The following OXNAD1 variants were observed in gnomAD, a reference collection of about 807,000 sequenced individuals.
OXNAD1 encodes the protein oxidoreductase NAD-binding domain-containing protein 1.
A neutral mutation model predicts 32.9 loss-of-function variants in OXNAD1; 34 were observed. That is an observed-to-expected ratio of 1.03 (90% CI 0.79 to 1.38). The LOEUF is 1.38. Among genes scored for constraint, OXNAD1 ranks in the 40% most tolerant of loss-of-function variants. The pLI is 0.00. For synonymous variants in OXNAD1, 134 were observed against 135.2 expected (o/e 0.99, Z 0.06); for missense variants, 407 against 379.4 (o/e 1.07, Z -0.60).
rs1159748230 is a variant in OXNAD1 at position 16,316,303 on chromosome 3, G to A, written c.*30+12711G>A. 1 of 162,090 alleles carries A rather than the reference G, an allele frequency of 6.2e-6. No individual in the cohort carries two copies. Among genetic ancestry groups the A allele is most frequent in the East Asian group, 1.9e-4 (1 of 5,224 alleles). 10.0% of individuals were successfully genotyped at this position (162,090 alleles called of 1,614,324 possible). A position where few individuals can be genotyped will look rare whatever the true frequency, so the allele number is the denominator to read the frequency against. ...AGGCGGAGCACCTCCCCTCCCCAATGTCATTTTCTTTGTCAAAGCAGAAGA... is the reference window on the plus strand; with the variant it reads ...AGGCGGAGCACCTCCCCTCCCCAATATCATTTTCTTTGTCAAAGCAGAAGA... On this transcript the variant is annotated intron_variant, in intron 9 of 9. Transcript: ENST00000435829. This position sits in a 1 kb window ranked among gnomAD's most constrained non-coding sequence, Gnocchi z 4.5.
At chr3:16,291,449 A>ATCTATTTTGTCTCTATGGATTTGTC (rs1374469864) in intron 5 of OXNAD1, among the ~76,000 whole-genome samples, 1 of 152,112 alleles carries the variant, frequency 6.6e-6, no homozygotes, top group Non-Finnish European at 1.5e-5. Context: ...ATGACCACTA[A>ATCTATTTTGTCTCTATGGATTTGTC]TCTATTTTGT....
rs547537795 is a variant in OXNAD1, at chr3:16,271,217, T to G, written c.119+146T>G. The G allele has an allele frequency of 4.1e-3, 3,618 of 875,170 alleles. 12 individuals are homozygous for G. Among genetic ancestry groups the G allele is most frequent in the Non-Finnish European group, 4.9e-3 (2,861 of 584,080 alleles). The allele number at this position is 875,170 out of a possible 1,614,324, so 54.2% of individuals were successfully genotyped here. On this transcript the variant is annotated intron_variant, in intron 3 of 8. Transcript: ENST00000285083. This position sits in a 1 kb window ranked among gnomAD's most constrained non-coding sequence, Gnocchi z 4.6. ...CTGTCAGGTTGTTAACCGTTTTTTT[T>G]GTCTGAGATGGAGTCTTGCTCCGTC...
At position 16,303,133 on chromosome 3, in the gene OXNAD1, A is replaced by G. The variant is rs1374197482; in HGVS notation, c.785-275A>G. ...ACTTCCTTTGCTGAAGGCAATTTGT[A>G]TCTCCATCAAAGACCAGTAAGCTAG... On this transcript the variant is annotated intron_variant, in intron 8 of 8. Transcript: ENST00000285083. This position sits in a 1 kb window ranked among gnomAD's most constrained non-coding sequence, Gnocchi z 4.8. 6.6e-6 allele frequency among the ~76,000 whole-genome samples: 1 copy of G among 152,224 alleles called. No individual in the cohort carries two copies. Among genetic ancestry groups the G allele is most frequent in the African/African-American group, 2.4e-5 (1 of 41,448 alleles).
rs1053225705 is a variant in OXNAD1 at position 16,327,516 on chromosome 3, T to C, written c.*31-9596T>C. On this transcript the variant is annotated intron_variant, in intron 9 of 9. Coordinates refer to the OXNAD1 transcript ENST00000435829. This position sits in a 1 kb window ranked among gnomAD's most constrained non-coding sequence, Gnocchi z 4.2. Reference sequence around the variant, plus strand: ...GGCTCACGTCTGTAATCCCAGCACTTTGGGAGGCTGAGGCAGGTGGATCAC... The same window carrying C: ...GGCTCACGTCTGTAATCCCAGCACTCTGGGAGGCTGAGGCAGGTGGATCAC... Among the ~76,000 whole-genome samples, 4 of 151,814 alleles carry C rather than the reference T, an allele frequency of 2.6e-5. No individual in the cohort carries two copies. Among genetic ancestry groups the C allele is most frequent in the African/African-American group, 9.7e-5 (4 of 41,338 alleles).
rs965835904 is a variant in OXNAD1, at chr3:16,329,487, A to G, written c.*31-7625A>G. On this transcript the variant is annotated intron_variant, in intron 9 of 9. Transcript: ENST00000435829. The surrounding 1 kb of genome is among the most constrained non-coding windows in gnomAD (Gnocchi z 4.5). ...TTCTGGTCCCTTCCCTGAAGCCTCT[A>G]TCAGGCCAGAGATGGCCCAGCAGTT... Among the ~76,000 whole-genome samples the G allele has an allele frequency of 6.6e-6, 1 of 152,198 alleles. No individual in the cohort carries two copies. Among genetic ancestry groups the G allele is most frequent in the South Asian group, 2.1e-4 (1 of 4,828 alleles).
At chr3:16,292,680 T>C (rs1202202632) in intron 5 of OXNAD1, among the ~76,000 whole-genome samples, 2 of 152,258 alleles carry the variant, frequency 1.3e-5, no homozygotes, top group Non-Finnish European at 2.9e-5. Context: ...GTTTCTGCTC[T>C]GTTTTGACTT....
In OXNAD1 at chr3:16,288,390, A is replaced by G. The variant is rs1315646096; in HGVS notation, c.290+1942A>G. ...GGGTAAGAGATTGGGCCGTGATTCC[A>G]CATCTCTGAATTTTTGACCAGTGGC... On this transcript the variant is annotated intron_variant, in intron 5 of 8. Transcript: ENST00000285083. The surrounding 1 kb of genome is among the most constrained non-coding windows in gnomAD (Gnocchi z 5.1). Among the ~76,000 whole-genome samples, 4 of 152,136 alleles carry G rather than the reference A, an allele frequency of 2.6e-5. No homozygotes were observed. Among genetic ancestry groups the G allele is most frequent in the African/African-American group, 9.7e-5 (4 of 41,436 alleles).
rs1247936395 is a variant in OXNAD1 at position 16,314,468 on chromosome 3, C to T, written c.*30+10876C>T. 3 of 152,064 alleles carry T rather than the reference C, an allele frequency of 2.0e-5. No individual in the cohort carries two copies. Among genetic ancestry groups the T allele is most frequent in the South Asian group, 2.1e-4 (1 of 4,804 alleles). The allele number at this position is 152,064 out of a possible 1,614,324, so 9.4% of individuals were successfully genotyped here. ...TGGGAGCTTTTAAAAATCCTGATGCCCACGCCACTCCCCAGATCATTCATT... is the reference window on the plus strand; with the variant it reads ...TGGGAGCTTTTAAAAATCCTGATGCTCACGCCACTCCCCAGATCATTCATT... On this transcript the variant is annotated intron_variant, in intron 9 of 9. Coordinates refer to the OXNAD1 transcript ENST00000435829. This position sits in a 1 kb window ranked among gnomAD's most constrained non-coding sequence, Gnocchi z 4.4.
chr3:16,280,394 G>C lies in OXNAD1; in HGVS notation c.184-5948G>C, dbSNP rs148602482. On this transcript the variant is annotated intron_variant, in intron 4 of 8. Transcript: ENST00000285083. This position sits in a 1 kb window ranked among gnomAD's most constrained non-coding sequence, Gnocchi z 4.5. ...CATAAGCCATTTAAGAAGTTAAATT[G>C]TGTGGTTGACGGAGAATTTTGTGTC... Among the ~76,000 whole-genome samples the C allele has an allele frequency of 2.1e-3, 316 of 152,308 alleles. 1 individual carries two copies. Among genetic ancestry groups the C allele is most frequent in the Non-Finnish European group, 3.7e-3 (249 of 68,028 alleles).
downstream of OXNAD1, among the ~76,000 whole-genome samples, chr3:16,338,298 G>T (rs2071052476): frequency 6.6e-6 from 1 of 152,236 alleles, no homozygotes; most frequent in African/African-American, 2.4e-5. The surrounding 1 kb of genome is among the most constrained non-coding windows in gnomAD (Gnocchi z 5.3). Flanking sequence ...ACCACGCAAG[G>T]CTCCTGATCA....
intron 9 of OXNAD1, among the ~76,000 whole-genome samples, chr3:16,319,540 A>G (rs562564646): frequency 2.0e-5 from 3 of 152,302 alleles, no homozygotes; most frequent in East Asian, 3.9e-4. Context: ...GCAGTGTACA[A>G]CTGAGGACAA....
At chr3:16,291,280 T>G (rs2066412155) in intron 5 of OXNAD1, among the ~76,000 whole-genome samples, 2 of 152,220 alleles carry the variant, frequency 1.3e-5, no homozygotes, top group Non-Finnish European at 2.9e-5. Context: ...TTGAGATATA[T>G]TCATATAAAA....
rs181394971 is a variant in OXNAD1 at position 16,327,627 on chromosome 3, G to A, written c.*31-9485G>A. Reference sequence around the variant, plus strand: ...ACAAAAAAAATTAGCCAGGCCTGGTGGCGGGCGCCTGTAGTCCCAGCTACT... The same window carrying A: ...ACAAAAAAAATTAGCCAGGCCTGGTAGCGGGCGCCTGTAGTCCCAGCTACT... On this transcript the variant is annotated intron_variant, in intron 9 of 9. Transcript: ENST00000435829. This position sits in a 1 kb window ranked among gnomAD's most constrained non-coding sequence, Gnocchi z 4.2. Among the ~76,000 whole-genome samples, 26 of 152,216 alleles carry A rather than the reference G, an allele frequency of 1.7e-4. No individual in the cohort carries two copies. In the East Asian group the frequency reaches 4.8e-3, roughly 28 times the overall value.
chr3:16,278,768 A>G (rs2065535781), intron 4 of OXNAD1, among the ~76,000 whole-genome samples: 1 of 152,200 alleles, frequency 6.6e-6, no homozygotes, highest in Non-Finnish European at 1.5e-5. Context: ...GGAGATACTG[A>G]TGGCAGAGTG....
Position 16,317,252 on chromosome 3 carries a change from G to T in OXNAD1, c.*30+13660G>T, listed in dbSNP as rs1369647802. ...CTGAAACTAGAAATCAGAAAGGATG[G>T]GGATAAATAACAAGCCTCCGGGAAC... On this transcript the variant is annotated intron_variant, in intron 9 of 9. Transcript: ENST00000435829. The surrounding 1 kb of genome is among the most constrained non-coding windows in gnomAD (Gnocchi z 4.3). The T allele has an allele frequency of 6.2e-7, 1 of 1,608,262 alleles. No homozygotes were observed. Among genetic ancestry groups the T allele is most frequent in the South Asian group, 1.1e-5 (1 of 90,740 alleles).
intron 9 of OXNAD1, chr3:16,326,870 C>G (rs763281134): frequency 6.2e-7 from 1 of 1,613,296 alleles, no homozygotes; most frequent in East Asian, 2.2e-5. Flanking sequence ...GTCTGCACTT[C>G]GACACCCTGG....
chr3:16,272,976 G>A (rs749087894), intron 4 of OXNAD1, among the ~76,000 whole-genome samples: 8 of 151,992 alleles, frequency 5.3e-5, no homozygotes, highest in African/African-American at 1.2e-4. Context: ...TTTTTGGGCC[G>A]TGCTGTCTTA....
At position 16,317,671 on chromosome 3, in the gene OXNAD1, T is replaced by G. The variant is rs2068562861; in HGVS notation, c.*30+14079T>G. ...AGGCACGGGGCTGGCATTCTCTCAC[T>G]AGGTCACCTGAGTAAGGCAGGGCCC... is the stretch of plus-strand genomic sequence containing the variant. On this transcript the variant is annotated intron_variant, in intron 9 of 9. Transcript: ENST00000435829. This position sits in a 1 kb window ranked among gnomAD's most constrained non-coding sequence, Gnocchi z 4.3. 6.6e-6 allele frequency among the ~76,000 whole-genome samples: 1 copy of G among 152,158 alleles called. No individual in the cohort carries two copies. The highest frequency in any genetic ancestry group is 2.4e-5 in the African/African-American group (1 of 41,422).
At chr3:16,341,033 G>A (rs1487042251), downstream of OXNAD1, among the ~76,000 whole-genome samples, 1 of 152,180 alleles carries the variant, frequency 6.6e-6, no homozygotes, top group African/African-American at 2.4e-5. The surrounding 1 kb of genome is among the most constrained non-coding windows in gnomAD (Gnocchi z 4.7). Context: ...AGATATGCAG[G>A]TAGCAAATAA....
Sources: gnomAD v4.1 joint callset for allele counts (sites outside exome capture counted in the v4.1 genomes callset) on GRCh38, gnomAD v4.1.1 for gene constraint, Gnocchi (gnomAD v3.1) non-coding constraint, MANE v1.5 for transcripts, NCBI Gene and HGNC (gene_info 2026-07-23, HGNC 2026-07-21) for gene names.